IFT80: variants seen among roughly 807,000 people sequenced by gnomAD.
IFT80 encodes intraflagellar transport protein 80 homolog.
In IFT80, 79 loss-of-function variants were observed where a neutral mutation model predicts 107.9. The observed-to-expected ratio is 0.73, with a 90% CI of 0.61 to 0.88. The LOEUF is 0.88. Ranked by LOEUF, IFT80 falls within the 40% of genes least tolerant of loss-of-function variation. The pLI is 0.00. For synonymous variants in IFT80, 299 were observed against 300.9 expected, an observed-to-expected ratio of 0.99 and a Z score of 0.07; for missense variants, 797 against 914.2, an observed-to-expected ratio of 0.87 and a Z score of 1.65.
chr3:160,324,295 C>T (rs557370186), intron 8 of IFT80, among the ~76,000 whole-genome samples: 1 of 152,264 alleles, frequency 6.6e-6, no homozygotes, highest in East Asian at 1.9e-4. Flanking sequence ...CAGCATCATC[C>T]TAATACCGAA....
intron 8 of IFT80, among the ~76,000 whole-genome samples, chr3:160,329,552 T>C (rs1718933716): frequency 6.6e-6 from 1 of 152,040 alleles, no homozygotes; most frequent in Non-Finnish European, 1.5e-5. Flanking sequence ...AAGGGAGAGG[T>C]ACCTTCCCTG....
intron 6 of IFT80, among the ~76,000 whole-genome samples, chr3:160,359,126 T>C (rs1307984199): frequency 6.6e-6 from 1 of 152,214 alleles, no homozygotes; most frequent in East Asian, 1.9e-4. Context: ...TCAAGAAGAA[T>C]TGCAGCTGCT....
intron 8 of IFT80, among the ~76,000 whole-genome samples, chr3:160,351,547 T>TATATTATATGTATATATATATACACAC (rs1465967499): frequency 1.3e-4 from 19 of 146,486 alleles, no homozygotes; most frequent in African/African-American, 3.4e-4. Flanking sequence ...TATATACACA[T>TATATTATATGTATATATATATACACAC]ATATTATATG....
intron 6 of IFT80, 94 bp downstream of exon 6, chr3:160,365,949 A>AG: frequency 3.4e-6 from 3 of 889,730 alleles, no homozygotes; most frequent in Non-Finnish European, 5.7e-6. Context: ...GACTGTAAAA[A>AG]GACCACCCAG....
At chr3:160,298,661 T>C (rs577547009) in intron 12 of IFT80, among the ~76,000 whole-genome samples, 5 of 152,288 alleles carry the variant, frequency 3.3e-5, no homozygotes, top group Non-Finnish European at 7.4e-5. Flanking sequence ...ATGATGGTGA[T>C]ATGTTCTGAG....
At chr3:160,299,070 T>G (rs2108264670) in intron 12 of IFT80, 1 of 972,790 alleles carries the variant, frequency 1.0e-6, no homozygotes, top group South Asian at 4.5e-5. Context: ...CATAGACAAC[T>G]CATAGTGATC....
intron 8 of IFT80, chr3:160,343,012 T>C (rs759347822): frequency 6.6e-6 from 1 of 152,546 alleles, no homozygotes; most frequent in Non-Finnish European, 1.5e-5. Flanking sequence ...CTTCAAGGAT[T>C]TAAGCTAATG....
chr3:160,347,311 C>T (rs889381999), intron 8 of IFT80, among the ~76,000 whole-genome samples: 1 of 151,986 alleles, frequency 6.6e-6, no homozygotes, highest in Admixed American at 6.6e-5. Flanking sequence ...CCTCTGGTTG[C>T]TAGTGGTTTT....
chr3:160,325,933 C>G (rs1718645422), intron 8 of IFT80, among the ~76,000 whole-genome samples: 1 of 151,860 alleles, frequency 6.6e-6, no homozygotes, highest in East Asian at 1.9e-4. Flanking sequence ...AATGCTCAAC[C>G]TGTATAACAA....
chr3:160,300,932 C>T lies in IFT80; in HGVS notation c.1266G>A (p.Val422=). The stretch of plus-strand genomic sequence containing the variant: ...TTGCTATGGTATCATTACTCAAAGA[C>T]ACAGTCTGTGCATTCAGAATATCTG... ...MRTDILNAQT[V]SLSNDTIAIR... Residue 422 remains valine, a synonymous_variant, in exon 12 of 20, where the codon GTG becomes GTA. Transcript: ENST00000326448. 1 of 1,610,922 alleles carries T rather than the reference C, an allele frequency of 6.2e-7. No homozygotes were observed. The highest frequency in any genetic ancestry group is 1.1e-5 in the South Asian group (1 of 90,386).
At chr3:160,305,304 T>C (rs945328087) in intron 10 of IFT80, among the ~76,000 whole-genome samples, 4 of 152,162 alleles carry the variant, frequency 2.6e-5, no homozygotes, top group Non-Finnish European at 5.9e-5. Flanking sequence ...TCTTGGCTAA[T>C]GCAAAGAATC....
intron 8 of IFT80, among the ~76,000 whole-genome samples, chr3:160,352,730 A>G (rs1292472615): frequency 6.6e-6 from 1 of 152,252 alleles, no homozygotes; most frequent in Non-Finnish European, 1.5e-5. Context: ...ACAGGGCATC[A>G]CATCATGAAA....
intron 2 of IFT80, 85 bp from the exon 3 acceptor site, chr3:160,381,809 G>A: frequency 1.9e-6 from 2 of 1,031,104 alleles, no homozygotes; most frequent in Non-Finnish European, 3.1e-6. Flanking sequence ...TAAGGTATAA[G>A]TAAAATAGGG....
chr3:160,259,557 G>A (rs530093408), intron 19 of IFT80, among the ~76,000 whole-genome samples: 10 of 152,308 alleles, frequency 6.6e-5, no homozygotes, highest in Admixed American at 2.0e-4. Context: ...TAGAGAAAGC[G>A]AAGGGAAAGC....
intron 8 of IFT80, among the ~76,000 whole-genome samples, chr3:160,346,057 T>G (rs1442819063): frequency 6.6e-6 from 1 of 152,014 alleles, no homozygotes; most frequent in Non-Finnish European, 1.5e-5. Flanking sequence ...GTTAAATAAA[T>G]AAAAAAATCA....
intron 8 of IFT80, among the ~76,000 whole-genome samples, chr3:160,354,513 C>T (rs1379162407): frequency 3.9e-5 from 6 of 152,054 alleles, no homozygotes; most frequent in African/African-American, 1.4e-4. Flanking sequence ...ACTAGCCGGG[C>T]GTGGTGACGA....
chr3:160,315,053 A>AAGGG (rs3043631), intron 9 of IFT80, among the ~76,000 whole-genome samples: 8,201 of 45,080 alleles, frequency 0.18, 1,006 homozygotes, highest in East Asian at 0.6. Flanking sequence ...AAAAAGAAGG[A>AAGGG]AGGGAGGGAG....
At chr3:160,299,280 T>C in intron 12 of IFT80, 2 of 1,137,726 alleles carry the variant, frequency 1.8e-6, no homozygotes, top group South Asian at 1.8e-5. Context: ...AAGGCCTAAA[T>C]GAAGAGATAG....
At chr3:160,317,622 T>C (rs1278898180) in intron 9 of IFT80, among the ~76,000 whole-genome samples, 1 of 152,060 alleles carries the variant, frequency 6.6e-6, no homozygotes, top group African/African-American at 2.4e-5. Flanking sequence ...ATTATAATGG[T>C]TTAGATCCCA....
Sources: gnomAD v4.1 joint callset for allele counts (sites outside exome capture counted in the v4.1 genomes callset) on GRCh38, gnomAD v4.1.1 for gene constraint, MANE v1.5 for transcripts, NCBI Gene and HGNC (gene_info 2026-07-23, HGNC 2026-07-21) for gene names.